ATRNL1: variants seen among roughly 807,000 people sequenced by gnomAD.
ATRNL1 encodes attractin-like protein 1.
In ATRNL1, 95 loss-of-function variants were observed where a neutral mutation model predicts 182.7. That is an observed-to-expected ratio of 0.52 (90% CI 0.44 to 0.62). The LOEUF (loss-of-function observed/expected upper bound fraction) is 0.62, where lower values mean the gene tolerates loss of function less well. Among genes scored for constraint, ATRNL1 ranks in the 20% least tolerant of loss-of-function variants. The pLI is 0.00. For missense variants in ATRNL1, 1,471 were observed against 1,679.5 expected (o/e 0.88, Z 2.17); for synonymous variants, 576 against 568.3 (o/e 1.01, Z -0.19).
chr10:115,357,414 A>G (rs1229235352), intron 19 of ATRNL1, among the ~76,000 whole-genome samples: 3 of 151,904 alleles, frequency 2.0e-5, no homozygotes, highest in African/African-American at 7.2e-5. Flanking sequence ...GCATTGCTCA[A>G]ATAGTGCATG....
intron 25 of ATRNL1, among the ~76,000 whole-genome samples, chr10:115,524,477 T>G (rs1336118): frequency 0.71 from 107,999 of 152,104 alleles, 39,566 homozygotes; most frequent in African/African-American, 0.82. Context: ...ATTATTTATT[T>G]TAAAGAACTA....
intron 26 of ATRNL1, among the ~76,000 whole-genome samples, chr10:115,676,823 A>G (rs1377700216): frequency 1.3e-5 from 2 of 152,044 alleles, no homozygotes; most frequent in African/African-American, 2.4e-5. Flanking sequence ...GATTACTTAC[A>G]GCATGTGCTG....
At chr10:115,269,156 C>T (rs1279296245) in intron 13 of ATRNL1, among the ~76,000 whole-genome samples, 1 of 151,612 alleles carries the variant, frequency 6.6e-6, no homozygotes, top group Non-Finnish European at 1.5e-5. Context: ...GAGGGCTGTT[C>T]TATATATTGC....
chr10:115,172,272 A>G (rs1404784839), intron 8 of ATRNL1, among the ~76,000 whole-genome samples: 1 of 151,530 alleles, frequency 6.6e-6, no homozygotes, highest in Non-Finnish European at 1.5e-5. Flanking sequence ...TCTATTCTCA[A>G]TTCCTCCTCC....
At chr10:115,270,286 C>T (rs1851791181) in intron 13 of ATRNL1, among the ~76,000 whole-genome samples, 2 of 138,124 alleles carry the variant, frequency 1.4e-5, no homozygotes, top group Admixed American at 1.5e-4. Context: ...AATATATAAA[C>T]ATTTGTTTAT....
At chr10:115,783,071 A>T (rs917565325) in intron 27 of ATRNL1, among the ~76,000 whole-genome samples, 2 of 152,148 alleles carry the variant, frequency 1.3e-5, no homozygotes, top group Non-Finnish European at 2.9e-5. Context: ...GCATGGATTA[A>T]TTTTTTTCTA....
At position 115,508,558 on chromosome 10, in the gene ATRNL1, C is replaced by T. The variant is rs114522586; in HGVS notation, c.3655-10705C>T. 6.9e-3 allele frequency among the ~76,000 whole-genome samples: 1,056 copies of T among 152,056 alleles called. 16 individuals are homozygous for T. Among genetic ancestry groups the T allele is most frequent in the African/African-American group, 0.024 (1,000 of 41,504 alleles). On this transcript the variant is annotated intron_variant, in intron 24 of 28. Coordinates refer to ENST00000355044, the MANE Select transcript of ATRNL1 (RefSeq NM_207303.4). ...GAAATGAATGCTACTTTAGTGAACACACAAATCATAAGAAAATGAAATAGC... is the reference window on the plus strand; with the variant it reads ...GAAATGAATGCTACTTTAGTGAACATACAAATCATAAGAAAATGAAATAGC...
intron 9 of ATRNL1, among the ~76,000 whole-genome samples, chr10:115,217,871 A>G (rs1250088518): frequency 6.6e-6 from 1 of 151,986 alleles, no homozygotes; most frequent in Non-Finnish European, 1.5e-5. Context: ...TGATTTTTTC[A>G]TTATCCTTAA....
At chr10:115,534,837 A>G (rs1851862187) in intron 25 of ATRNL1, among the ~76,000 whole-genome samples, 1 of 151,328 alleles carries the variant, frequency 6.6e-6, no homozygotes, top group Non-Finnish European at 1.5e-5. Context: ...GCTTGTCTGT[A>G]AAGTATTTTA....
intron 28 of ATRNL1, among the ~76,000 whole-genome samples, chr10:115,892,924 A>G (rs182906891): frequency 2.0e-5 from 3 of 152,366 alleles, no homozygotes; most frequent in Admixed American, 1.3e-4. Flanking sequence ...TATTAAAATT[A>G]TATTAATACT....
At chr10:115,199,900 A>G (rs1250993364) in intron 8 of ATRNL1, among the ~76,000 whole-genome samples, 1 of 152,212 alleles carries the variant, frequency 6.6e-6, no homozygotes, top group Non-Finnish European at 1.5e-5. Context: ...AGAGACATCT[A>G]GAAGTCATCT....
At chr10:115,568,088 T>C (rs1854170975) in intron 26 of ATRNL1, among the ~76,000 whole-genome samples, 1 of 152,046 alleles carries the variant, frequency 6.6e-6, no homozygotes, top group Non-Finnish European at 1.5e-5. Context: ...AAGCTGACAG[T>C]TAATGGTAAC....
At chr10:115,186,636 A>G (rs1325111428) in intron 8 of ATRNL1, among the ~76,000 whole-genome samples, 1 of 152,156 alleles carries the variant, frequency 6.6e-6, no homozygotes, top group Non-Finnish European at 1.5e-5. Flanking sequence ...TATTTGTGGG[A>G]GCTAAAAATA....
intron 15 of ATRNL1, among the ~76,000 whole-genome samples, chr10:115,289,042 A>G (rs1287705345): frequency 2.6e-5 from 4 of 152,338 alleles, no homozygotes; most frequent in Admixed American, 6.5e-5. Context: ...TAATGGACTT[A>G]CAGTTCCACA....
intron 27 of ATRNL1, among the ~76,000 whole-genome samples, chr10:115,741,271 A>C (rs543858926): frequency 7.9e-5 from 12 of 152,292 alleles, no homozygotes; most frequent in African/African-American, 2.4e-4. Context: ...TGAATGTTTC[A>C]GGAAAGGTTG....
chr10:115,502,687 G>T (rs1849905452), intron 24 of ATRNL1, among the ~76,000 whole-genome samples: 1 of 151,954 alleles, frequency 6.6e-6, no homozygotes, highest in African/African-American at 2.4e-5. Context: ...ACATATGCTG[G>T]TATTGCCTTA....
At chr10:115,542,201 G>A (rs959009886) in intron 25 of ATRNL1, among the ~76,000 whole-genome samples, 6 of 152,018 alleles carry the variant, frequency 3.9e-5, no homozygotes, top group Admixed American at 1.3e-4. Flanking sequence ...TCCATTTTCT[G>A]TAGAGTTTTA....
chr10:115,592,649 C>T (rs1256717144), intron 26 of ATRNL1, among the ~76,000 whole-genome samples: 1 of 152,180 alleles, frequency 6.6e-6, no homozygotes, highest in East Asian at 1.9e-4. Context: ...TGACTAGCGT[C>T]ATTCACTTGG....
chr10:115,272,503 T>TG (rs1554913504), intron 13 of ATRNL1, among the ~76,000 whole-genome samples: 3 of 152,094 alleles, frequency 2.0e-5, no homozygotes, highest in South Asian at 4.1e-4. Flanking sequence ...TATTCCTTCC[T>TG]CTGGAATTAA....
Sources: gnomAD v4.1 joint callset for allele counts (sites outside exome capture counted in the v4.1 genomes callset) on GRCh38, gnomAD v4.1.1 for gene constraint, MANE v1.5 for transcripts, NCBI Gene and HGNC (gene_info 2026-07-23, HGNC 2026-07-21) for gene names.